The following SLC1A3 variants were observed in gnomAD, a reference collection of about 807,000 sequenced individuals.
SLC1A3 encodes excitatory amino acid transporter 1.
SLC1A3 carries 21 observed loss-of-function variants against 48.1 expected under a neutral mutation model. That is an observed-to-expected ratio of 0.44 (90% CI 0.31 to 0.63). The LOEUF is 0.63. Among genes scored for constraint, SLC1A3 ranks in the 20% least tolerant of loss-of-function variants. SLC1A3 has a pLI of 0.08. For missense variants in SLC1A3, 546 were observed against 689.0 expected (o/e 0.79, Z 2.32); for synonymous variants, 239 against 251.4 (o/e 0.95, Z 0.47).
At chr5:36,675,117 C>A (rs1195783347) in intron 5 of SLC1A3, among the ~76,000 whole-genome samples, 1 of 152,122 alleles carries the variant, frequency 6.6e-6, no homozygotes, top group Non-Finnish European at 1.5e-5. Context: ...CCAAACAAAA[C>A]CCCAACCTAG....
chr5:36,625,173 C>G (rs574751820), intron 2 of SLC1A3, among the ~76,000 whole-genome samples: 10 of 152,324 alleles, frequency 6.6e-5, no homozygotes, highest in Middle Eastern at 3.4e-3. Context: ...AAAATAGACA[C>G]AAGGCCTGGT....
chr5:36,623,286 A>G lies in SLC1A3; in HGVS notation c.182-6164A>G, dbSNP rs138333352. Among the ~76,000 whole-genome samples the G allele has an allele frequency of 4.0e-4, 61 of 152,328 alleles. 1 individual carries two copies. The East Asian group carries it at 0.011, about 28-fold the overall frequency. ...TTGATAACCAAGGGTGCATGATCTG[A>G]ATATTGCTCATGACATCCATATATT... On this transcript the variant is annotated intron_variant, in intron 2 of 9. Coordinates refer to ENST00000265113, the MANE Select transcript of SLC1A3 (RefSeq NM_004172.5).
At position 36,687,728 on chromosome 5, in the gene SLC1A3, A is replaced by G. The variant is rs935222686; in HGVS notation, c.*1459A>G. ...TTTGTGTCCATAAGAGAAATGGTAG[A>G]AGATGAATCAGTATGAAGACACTGT... On this transcript the variant is annotated 3_prime_UTR_variant, in exon 10 of 10. Transcript: ENST00000265113. 1 of 152,660 alleles carries G rather than the reference A, an allele frequency of 6.6e-6. No homozygotes were observed. Among genetic ancestry groups the G allele is most frequent in the African/African-American group, 2.4e-5 (1 of 41,460 alleles). The allele number at this position is 152,660 out of a possible 1,614,324, so 9.5% of individuals were successfully genotyped here.
At chr5:36,676,269 T>G (rs1377601226) in intron 5 of SLC1A3, among the ~76,000 whole-genome samples, 1 of 152,220 alleles carries the variant, frequency 6.6e-6, no homozygotes, top group South Asian at 2.1e-4. Flanking sequence ...GTCTAATCCC[T>G]GAAGGGCTTT....
chr5:36,657,660 G>T (rs1389128704), intron 3 of SLC1A3, among the ~76,000 whole-genome samples: 1 of 152,180 alleles, frequency 6.6e-6, no homozygotes, highest in Non-Finnish European at 1.5e-5. Context: ...CTGCAATGCT[G>T]GATGGAAACC....
intron 8 of SLC1A3, among the ~76,000 whole-genome samples, chr5:36,681,481 T>C (rs1311874449): frequency 1.3e-5 from 2 of 152,234 alleles, no homozygotes; most frequent in Admixed American, 6.5e-5. Flanking sequence ...CAGTGTAAGA[T>C]AGATGACAGA....
chr5:36,639,707 T>C (rs925967248), intron 3 of SLC1A3, among the ~76,000 whole-genome samples: 8 of 152,254 alleles, frequency 5.3e-5, no homozygotes, highest in Admixed American at 1.3e-4. Context: ...TATTCTCCAC[T>C]ATAAATTCCA....
intron 3 of SLC1A3, among the ~76,000 whole-genome samples, chr5:36,651,589 CTT>C: frequency 7.3e-6 from 1 of 137,632 alleles, no homozygotes; most frequent in Middle Eastern, 3.6e-3. Context: ...TGCCTGGACT[CTT>C]TTCCCCAGCT....
intron 3 of SLC1A3, among the ~76,000 whole-genome samples, chr5:36,643,095 G>A (rs1236591715): frequency 6.6e-6 from 1 of 152,004 alleles, no homozygotes; most frequent in African/African-American, 2.4e-5. Context: ...TTTTTGGTTT[G>A]GTTTGGTTTT....
intron 3 of SLC1A3, among the ~76,000 whole-genome samples, chr5:36,653,127 C>G (rs898647511): frequency 6.6e-6 from 1 of 152,166 alleles, no homozygotes; most frequent in African/African-American, 2.4e-5. Flanking sequence ...AATGGTATTA[C>G]TTAATGAATA....
intron 3 of SLC1A3, among the ~76,000 whole-genome samples, chr5:36,647,087 C>G (rs1250222078): frequency 6.6e-6 from 1 of 152,182 alleles, no homozygotes; most frequent in Non-Finnish European, 1.5e-5. Context: ...CAAGATGTAT[C>G]TATTCTAATA....
chr5:36,623,816 T>C (rs1739788263), intron 2 of SLC1A3, among the ~76,000 whole-genome samples: 1 of 148,864 alleles, frequency 6.7e-6, no homozygotes, highest in South Asian at 2.1e-4. Context: ...TGAGCCGAGA[T>C]TGCGCCACTG....
rs759949496 is a variant in SLC1A3 at position 36,608,404 on chromosome 5, C to A, written c.-20C>A. 3 of 1,612,574 alleles carry A rather than the reference C, an allele frequency of 1.9e-6. No individual in the cohort carries two copies. The African/African-American group carries it at 4.0e-5, about 22-fold the overall frequency. On this transcript the variant is annotated 5_prime_UTR_variant, in exon 2 of 10. Coordinates refer to ENST00000265113, the MANE Select transcript of SLC1A3 (RefSeq NM_004172.5). ...CAGACACTGAAGTGCAAAGAAGAGACCCTCCTAGAAAAGTAAAATATGACT... is the reference window on the plus strand; with the variant it reads ...CAGACACTGAAGTGCAAAGAAGAGAACCTCCTAGAAAAGTAAAATATGACT...
chr5:36,682,950 G>C (rs1742496023), intron 8 of SLC1A3, among the ~76,000 whole-genome samples: 2 of 152,324 alleles, frequency 1.3e-5, no homozygotes, highest in South Asian at 4.1e-4. Context: ...CTTATAACCA[G>C]ATAATACTTT....
In SLC1A3 at chr5:36,613,919, G is replaced by C. The variant is rs553838194; in HGVS notation, c.181+5315G>C. Among the ~76,000 whole-genome samples the C allele has an allele frequency of 2.0e-5, 3 of 152,278 alleles. No individual in the cohort carries two copies. In the South Asian group the frequency reaches 6.2e-4, roughly 32 times the overall value. On this transcript the variant is annotated intron_variant, in intron 2 of 9. Transcript: ENST00000265113. Reference sequence around the variant, plus strand: ...AAATACAGAAAAATTGTCAGGGCTAGTGATAACACATGTACCCACAGCACA... The same window carrying C: ...AAATACAGAAAAATTGTCAGGGCTACTGATAACACATGTACCCACAGCACA...
intron 2 of SLC1A3, among the ~76,000 whole-genome samples, chr5:36,611,277 T>C (rs1429870502): frequency 4.7e-4 from 41 of 86,656 alleles, no homozygotes; most frequent in Non-Finnish European, 1.4e-4. Flanking sequence ...TTATTGCTTT[T>C]AGTAAAAAAA....
upstream of SLC1A3, among the ~76,000 whole-genome samples, chr5:36,602,792 C>G (rs1413126645): frequency 6.6e-6 from 1 of 152,174 alleles, no homozygotes; most frequent in East Asian, 1.9e-4. Flanking sequence ...TTGCTCAGTC[C>G]TCTTCTGAAA....
At chr5:36,684,127 A>T (rs572422245) in intron 9 of SLC1A3, 129 bp downstream of exon 9, 1 of 1,141,354 alleles carries the variant, frequency 8.8e-7, no homozygotes, top group Non-Finnish European at 1.3e-6. Flanking sequence ...CCATAGTTAA[A>T]TTGTCCTTAT....
At chr5:36,655,231 G>A (rs566189135) in intron 3 of SLC1A3, among the ~76,000 whole-genome samples, 1 of 152,202 alleles carries the variant, frequency 6.6e-6, no homozygotes, top group East Asian at 1.9e-4. Context: ...AACTTCAAAA[G>A]CCCTTTTGGC....
Sources: allele counts gnomAD v4.1 joint callset (sites outside exome capture counted in the v4.1 genomes callset), GRCh38; gene constraint gnomAD v4.1.1; transcripts MANE v1.5; gene names NCBI Gene and HGNC (gene_info 2026-07-23, HGNC 2026-07-21).